The following SNTG1 variants were observed in gnomAD, a reference collection of about 807,000 sequenced individuals.
The protein encoded by SNTG1 is gamma-1-syntrophin.
A neutral mutation model predicts 74.7 loss-of-function variants in SNTG1; 39 were observed. The observed-to-expected ratio is 0.52, with a 90% CI of 0.40 to 0.68. The LOEUF is 0.68. Among genes scored for constraint, SNTG1 ranks in the 30% least tolerant of loss-of-function variants. The probability of loss-of-function intolerance (pLI) is 0.00; values close to 1 mark genes in which losing one functional copy is unlikely to be tolerated. For synonymous variants in SNTG1, 254 were observed against 217.1 expected (o/e 1.17, Z -1.49); for missense variants, 685 against 609.5 (o/e 1.12, Z -1.30).
At chr8:50,669,707 C>G (rs1014215664) in intron 15 of SNTG1, among the ~76,000 whole-genome samples, 3 of 152,152 alleles carry the variant, frequency 2.0e-5, no homozygotes, top group Non-Finnish European at 4.4e-5. Context: ...CAGCATCATC[C>G]TGATACAAAA....
At chr8:50,055,552 G>C (rs932445975) in intron 1 of SNTG1, among the ~76,000 whole-genome samples, 3 of 151,990 alleles carry the variant, frequency 2.0e-5, no homozygotes, top group African/African-American at 7.2e-5. Flanking sequence ...TTCCTGTGTG[G>C]GCGAGTTTAT....
chr8:50,546,831 G>C (rs1242637093), intron 11 of SNTG1, among the ~76,000 whole-genome samples: 8 of 152,086 alleles, frequency 5.3e-5, no homozygotes, highest in Admixed American at 4.6e-4. Flanking sequence ...ACCCAGGCTG[G>C]AGTGCAGTGG....
intron 2 of SNTG1, among the ~76,000 whole-genome samples, chr8:50,284,094 T>C (rs1375945): frequency 0.47 from 71,358 of 151,916 alleles, 19,315 homozygotes; most frequent in East Asian, 0.83. Context: ...TGTAACGGTG[T>C]CACAGACATT....
intron 1 of SNTG1, among the ~76,000 whole-genome samples, chr8:50,103,081 T>A (rs1474846745): frequency 6.6e-6 from 1 of 152,086 alleles, no homozygotes. Flanking sequence ...AAGTAGTTTT[T>A]TCCAATTCTG....
At chr8:50,410,011 G>A (rs1013323822) in intron 4 of SNTG1, among the ~76,000 whole-genome samples, 2 of 152,292 alleles carry the variant, frequency 1.3e-5, no homozygotes, top group Admixed American at 1.3e-4. Context: ...CAGTTTCCTT[G>A]TGGAATAAAA....
At chr8:50,487,371 A>G (rs537544458) in intron 8 of SNTG1, among the ~76,000 whole-genome samples, 51 of 152,350 alleles carry the variant, frequency 3.3e-4, no homozygotes, top group African/African-American at 1.1e-3. Flanking sequence ...TCATGCTGCT[A>G]TAAAGACACA....
At chr8:50,338,049 T>A (rs1189731842) in intron 2 of SNTG1, among the ~76,000 whole-genome samples, 2 of 151,646 alleles carry the variant, frequency 1.3e-5, no homozygotes, top group African/African-American at 2.4e-5. Context: ...GGCAGGAGAA[T>A]GGCGTGAACC....
intron 2 of SNTG1, among the ~76,000 whole-genome samples, chr8:50,262,095 A>G (rs1381334852): frequency 2.6e-5 from 4 of 152,280 alleles, no homozygotes; most frequent in East Asian, 3.9e-4. Flanking sequence ...ATTAAATAAC[A>G]TATTTCTAAA....
intron 15 of SNTG1, among the ~76,000 whole-genome samples, chr8:50,703,638 TTC>T (rs1165028965): frequency 6.6e-6 from 1 of 152,134 alleles, no homozygotes; most frequent in African/African-American, 2.4e-5. Flanking sequence ...CAGTAACATA[TTC>T]TTTCTTATCA....
intron 1 of SNTG1, among the ~76,000 whole-genome samples, chr8:50,107,166 C>T (rs1043448890): frequency 6.6e-6 from 1 of 152,118 alleles, no homozygotes; most frequent in East Asian, 1.9e-4. Flanking sequence ...CTTGAATGCC[C>T]TTTTATATTT....
At chr8:50,554,756 T>C (rs1338896278) in intron 12 of SNTG1, among the ~76,000 whole-genome samples, 2 of 152,178 alleles carry the variant, frequency 1.3e-5, no homozygotes, top group Non-Finnish European at 2.9e-5. Flanking sequence ...GACTGACTTA[T>C]ATGGATGCTT....
intron 4 of SNTG1, among the ~76,000 whole-genome samples, chr8:50,417,618 CT>C (rs1180417311): frequency 1.3e-5 from 2 of 152,072 alleles, no homozygotes; most frequent in African/African-American, 4.8e-5. Flanking sequence ...ACTTCATTTT[CT>C]TGTCCATTCA....
In SNTG1 at chr8:50,225,316, TAAGA is replaced by T. The variant is rs549050667; in HGVS notation, c.-28+52683_-28+52686del. Among the ~76,000 whole-genome samples the T allele has an allele frequency of 7.2e-4, 109 of 152,278 alleles. 2 individuals carry two copies. The highest frequency in any genetic ancestry group is 2.6e-3 in the African/African-American group (107 of 41,564). On this transcript the variant is annotated intron_variant, in intron 2 of 18. Transcript: ENST00000642720. Reference sequence around the variant, plus strand: ...CTACCTGGAGGCATCATCTGCATAATAAGAACCTTGGTCTCCACAACCCCTTATC... The same window carrying T: ...CTACCTGGAGGCATCATCTGCATAATACCTTGGTCTCCACAACCCCTTATC...
chr8:50,263,915 G>A (rs1011020561), intron 2 of SNTG1, among the ~76,000 whole-genome samples: 2 of 152,214 alleles, frequency 1.3e-5, no homozygotes, highest in African/African-American at 2.4e-5. Flanking sequence ...ACATCTGTAG[G>A]ACAAATCATA....
At chr8:50,706,669 T>C (rs17711884) in intron 16 of SNTG1, among the ~76,000 whole-genome samples, 2,441 of 152,272 alleles carry the variant, frequency 0.016, 38 homozygotes, top group Middle Eastern at 0.037. Context: ...TTAATGTCTT[T>C]TTAGCTTTTA....
At chr8:50,610,362 G>A (rs1221992714) in intron 13 of SNTG1, among the ~76,000 whole-genome samples, 1 of 152,132 alleles carries the variant, frequency 6.6e-6, no homozygotes, top group Admixed American at 6.6e-5. Context: ...TCAAAGTGCA[G>A]CCAGTTCTCA....
At chr8:50,128,588 C>G (rs2081217788) in intron 1 of SNTG1, among the ~76,000 whole-genome samples, 1 of 152,008 alleles carries the variant, frequency 6.6e-6, no homozygotes, top group Non-Finnish European at 1.5e-5. Flanking sequence ...GGTTCAAATT[C>G]CAATACCGTG....
chr8:50,114,126 C>T lies in SNTG1; in HGVS notation c.-102-58435C>T, dbSNP rs193149664. 1.0e-3 allele frequency among the ~76,000 whole-genome samples: 156 copies of T among 152,068 alleles called. No individual in the cohort carries two copies. The East Asian group carries it at 0.015, about 15-fold the overall frequency. On this transcript the variant is annotated intron_variant, in intron 1 of 18. Transcript: ENST00000642720. ...TCACCCACAAATAATGTGAATAATACTATATCACATAAGAGACACTCATTT... is the reference window on the plus strand; with the variant it reads ...TCACCCACAAATAATGTGAATAATATTATATCACATAAGAGACACTCATTT...
chr8:49,994,891 G>A (rs1814059492), intron 1 of SNTG1, among the ~76,000 whole-genome samples: 1 of 152,062 alleles, frequency 6.6e-6, no homozygotes, highest in Admixed American at 6.6e-5. Context: ...TTAAAATGTA[G>A]TAAAGGACAC....
Sources: gnomAD v4.1 joint callset for allele counts (sites outside exome capture counted in the v4.1 genomes callset) on GRCh38, gnomAD v4.1.1 for gene constraint, MANE v1.5 for transcripts, NCBI Gene and HGNC (gene_info 2026-07-23, HGNC 2026-07-21) for gene names.